Variants in CLSTN2 observed in about 807,000 individuals in gnomAD.
The protein encoded by CLSTN2 is calsyntenin 2.
In CLSTN2, 48 loss-of-function variants were observed where a neutral mutation model predicts 101.2. That is an observed-to-expected ratio of 0.47 (90% CI 0.38 to 0.60). The LOEUF (loss-of-function observed/expected upper bound fraction) is 0.60. Among genes scored for constraint, CLSTN2 ranks in the 20% least tolerant of loss-of-function variants. CLSTN2 has a pLI of 0.00. For missense variants in CLSTN2, 1,160 were observed against 1,238.2 expected, an observed-to-expected ratio of 0.94 and a Z score of 0.95; for synonymous variants, 481 against 463.6, an observed-to-expected ratio of 1.04 and a Z score of -0.48.
At chr3:140,369,474 C>T (rs140147688) in intron 2 of CLSTN2, among the ~76,000 whole-genome samples, 39 of 152,268 alleles carry the variant, frequency 2.6e-4, no homozygotes, top group East Asian at 1.4e-3. Context: ...GATGATTTAT[C>T]ACAGAAGGTC....
intron 2 of CLSTN2, among the ~76,000 whole-genome samples, chr3:140,402,833 A>T (rs1184638770): frequency 1.3e-5 from 2 of 152,230 alleles, no homozygotes; most frequent in Non-Finnish European, 2.9e-5. Context: ...AGTAAGTGGC[A>T]AGCCTGGAAT....
At chr3:140,320,655 T>C (rs2087274160) in intron 2 of CLSTN2, among the ~76,000 whole-genome samples, 1 of 151,792 alleles carries the variant, frequency 6.6e-6, no homozygotes, top group Admixed American at 6.6e-5. Flanking sequence ...TTGTATTATA[T>C]GTATTTATAT....
At position 140,107,757 on chromosome 3, in the gene CLSTN2, C is replaced by A. The variant is rs140095920; in HGVS notation, c.110-68194C>A. ...AAGGATGTAAGAGTCACATCACTCT[C>A]TAAAGCTGCTTCCCTTGTTATCCCA... is the stretch of plus-strand genomic sequence containing the variant. On this transcript the variant is annotated intron_variant, in intron 1 of 16. Coordinates refer to ENST00000458420, the MANE Select transcript of CLSTN2 (RefSeq NM_022131.3). Among the ~76,000 whole-genome samples, 475 of 152,278 alleles carry A rather than the reference C, an allele frequency of 3.1e-3. 3 individuals carry two copies. Among genetic ancestry groups the A allele is most frequent in the African/African-American group, 0.011 (463 of 41,550 alleles).
chr3:140,198,187 C>T (rs2010669749), intron 2 of CLSTN2, among the ~76,000 whole-genome samples: 1 of 152,178 alleles, frequency 6.6e-6, no homozygotes, highest in Non-Finnish European at 1.5e-5. Context: ...ATTTTATCTT[C>T]TTACTGTAAT....
At chr3:140,451,337 A>G (rs1332414588) in intron 6 of CLSTN2, among the ~76,000 whole-genome samples, 1 of 152,234 alleles carries the variant, frequency 6.6e-6, no homozygotes, top group South Asian at 2.1e-4. Flanking sequence ...AACACAGCTC[A>G]TTCCATCTGT....
At chr3:139,951,025 A>T (rs967918497) in intron 1 of CLSTN2, among the ~76,000 whole-genome samples, 4 of 152,220 alleles carry the variant, frequency 2.6e-5, no homozygotes, top group Non-Finnish European at 4.4e-5. Flanking sequence ...TTTGGCCTCA[A>T]TTCATAGGAT....
At chr3:140,263,979 A>G (rs974452425) in intron 2 of CLSTN2, among the ~76,000 whole-genome samples, 3 of 152,126 alleles carry the variant, frequency 2.0e-5, no homozygotes, top group Non-Finnish European at 4.4e-5. Context: ...CCTACTTACT[A>G]TAAATTATCT....
intron 1 of CLSTN2, among the ~76,000 whole-genome samples, chr3:140,153,608 C>G (rs955250120): frequency 2.0e-5 from 3 of 152,208 alleles, no homozygotes; most frequent in Non-Finnish European, 4.4e-5. Context: ...CACAAGGGGC[C>G]GTTCTCAAAT....
intron 1 of CLSTN2, among the ~76,000 whole-genome samples, chr3:140,159,733 T>C (rs1489926732): frequency 6.6e-6 from 1 of 152,024 alleles, no homozygotes; most frequent in African/African-American, 2.4e-5. Flanking sequence ...TACAGCACAA[T>C]TAACAATAGC....
At chr3:140,274,590 C>T (rs1181569647) in intron 2 of CLSTN2, among the ~76,000 whole-genome samples, 2 of 152,112 alleles carry the variant, frequency 1.3e-5, no homozygotes, top group African/African-American at 4.8e-5. Context: ...GGTCATCAGG[C>T]ATGTTGTCCA....
At chr3:140,283,883 T>C (rs1318368569) in intron 2 of CLSTN2, among the ~76,000 whole-genome samples, 1 of 152,204 alleles carries the variant, frequency 6.6e-6, no homozygotes, top group African/African-American at 2.4e-5. Flanking sequence ...ATTTAAGTTA[T>C]GACTTGTTTA....
intron 1 of CLSTN2, among the ~76,000 whole-genome samples, chr3:140,165,963 A>T (rs981387380): frequency 3.3e-5 from 5 of 152,128 alleles, no homozygotes; most frequent in African/African-American, 9.7e-5. Flanking sequence ...TGAGCAGGGG[A>T]TGGGCTGGAA....
chr3:140,268,156 C>T (rs72990164), intron 2 of CLSTN2, among the ~76,000 whole-genome samples: 5,192 of 152,160 alleles, frequency 0.034, 184 homozygotes, highest in African/African-American at 0.085. Flanking sequence ...ATAGTAGTCT[C>T]ATAAGTGCAC....
chr3:139,956,805 C>G (rs1935410010), intron 1 of CLSTN2, among the ~76,000 whole-genome samples: 1 of 152,114 alleles, frequency 6.6e-6, no homozygotes, highest in African/African-American at 2.4e-5. Context: ...TAAAAAAATA[C>G]ATAATTTATT....
At chr3:140,289,831 A>G (rs1428919722) in intron 2 of CLSTN2, among the ~76,000 whole-genome samples, 2 of 152,052 alleles carry the variant, frequency 1.3e-5, no homozygotes. Flanking sequence ...TTTCCTAAAT[A>G]TCAGACAAGG....
At chr3:140,496,125 CCT>C (rs1162156448) in intron 8 of CLSTN2, among the ~76,000 whole-genome samples, 1 of 152,152 alleles carries the variant, frequency 6.6e-6, no homozygotes, top group Non-Finnish European at 1.5e-5. Flanking sequence ...TTGCTTGTGT[CCT>C]CTCTGACTTT....
chr3:140,354,946 G>C (rs1462728966), intron 2 of CLSTN2, among the ~76,000 whole-genome samples: 2 of 152,158 alleles, frequency 1.3e-5, no homozygotes, highest in Non-Finnish European at 2.9e-5. Context: ...CAGGGTGTGA[G>C]GTGGCTCTTC....
At chr3:140,494,195 T>C (rs1934404723) in intron 8 of CLSTN2, among the ~76,000 whole-genome samples, 1 of 152,178 alleles carries the variant, frequency 6.6e-6, no homozygotes, top group Admixed American at 6.6e-5. Flanking sequence ...TCATCATACA[T>C]TCAGGGTGCA....
At chr3:140,300,910 G>A (rs1303972361) in intron 2 of CLSTN2, among the ~76,000 whole-genome samples, 1 of 152,126 alleles carries the variant, frequency 6.6e-6, no homozygotes, top group Non-Finnish European at 1.5e-5. Flanking sequence ...GGAGACCCAA[G>A]AAAGCCAGGG....
Sources: gnomAD v4.1 joint callset for allele counts (sites outside exome capture counted in the v4.1 genomes callset) on GRCh38, gnomAD v4.1.1 for gene constraint, MANE v1.5 for transcripts, NCBI Gene and HGNC (gene_info 2026-07-23, HGNC 2026-07-21) for gene names.